PDE4D: variants seen among roughly 807,000 people sequenced by gnomAD.
PDE4D encodes 3',5'-cyclic-AMP phosphodiesterase 4D.
PDE4D carries 24 observed loss-of-function variants against 87.4 expected under a neutral mutation model. The ratio of observed to expected loss-of-function variants is 0.27; its 90% CI spans 0.20 to 0.39. The LOEUF (loss-of-function observed/expected upper bound fraction) is 0.39, where lower values mean the gene tolerates loss of function less well. PDE4D is among the 10% of genes least tolerant of loss of function. The pLI, the probability that PDE4D is intolerant of heterozygous loss-of-function variation, is 1.00. For missense variants in PDE4D, 714 were observed against 1,041.0 expected, an observed-to-expected ratio of 0.69 and a Z score of 4.32; for synonymous variants, 384 against 383.2, an observed-to-expected ratio of 1.00 and a Z score of -0.02.
At chr5:59,971,504 C>A (rs1041939282) in intron 3 of PDE4D, among the ~76,000 whole-genome samples, 1 of 152,060 alleles carries the variant, frequency 6.6e-6, no homozygotes, top group Non-Finnish European at 1.5e-5. Flanking sequence ...TTTATAATGT[C>A]ATGCACTTAA....
chr5:59,813,445 T>TACACACAC (rs35313403), intron 1 of PDE4D, among the ~76,000 whole-genome samples: 62 of 143,160 alleles, frequency 4.3e-4, no homozygotes, highest in Admixed American at 3.8e-3. Context: ...CATACACTTG[T>TACACACAC]ACACACACAC....
At chr5:60,247,376 A>G (rs1429828454) in intron 1 of PDE4D, among the ~76,000 whole-genome samples, 3 of 152,028 alleles carry the variant, frequency 2.0e-5, no homozygotes, top group Non-Finnish European at 4.4e-5. Context: ...ATTATTAGCC[A>G]TGTTTCTAGA....
chr5:60,431,633 C>T (rs934407581), intron 1 of PDE4D, among the ~76,000 whole-genome samples: 49 of 152,040 alleles, frequency 3.2e-4, no homozygotes, highest in South Asian at 3.1e-3. Context: ...AGACGATGGG[C>T]GGCCAGGCAG....
chr5:59,595,040 T>C (rs1389994087), intron 1 of PDE4D, among the ~76,000 whole-genome samples: 1 of 152,168 alleles, frequency 6.6e-6, no homozygotes, highest in Admixed American at 6.6e-5. Context: ...CTAAAAATGC[T>C]TTAAAAAATA....
intron 3 of PDE4D, among the ~76,000 whole-genome samples, chr5:59,907,435 T>C (rs1232318032): frequency 3.3e-5 from 5 of 152,050 alleles, no homozygotes; most frequent in Admixed American, 3.3e-4. Flanking sequence ...ATCTACTTGA[T>C]GGTGGAAGAT....
intron 1 of PDE4D, among the ~76,000 whole-genome samples, chr5:59,820,514 T>A (rs1198057768): frequency 6.6e-6 from 1 of 152,192 alleles, no homozygotes; most frequent in Non-Finnish European, 1.5e-5. Flanking sequence ...ACAATCTGGG[T>A]TTCTAAGTAA....
intron 5 of PDE4D, among the ~76,000 whole-genome samples, chr5:59,098,474 G>A (rs1770143766): frequency 6.6e-6 from 1 of 151,752 alleles, no homozygotes; most frequent in Admixed American, 6.6e-5. Flanking sequence ...AAGGCAAGAG[G>A]ATCACTTGAG....
In PDE4D at chr5:60,022,340, T is replaced by C. The variant is rs559258482; in HGVS notation, c.43-33623A>G. On this transcript the variant is annotated intron_variant, in intron 2 of 16. Transcript: ENST00000502484. ...AATAACAATAAAGTCACCATATTTA[T>C]TGAATCCTTATAACAGAGGAGTATT... is the stretch of plus-strand genomic sequence containing the variant. Among the ~76,000 whole-genome samples the C allele has an allele frequency of 2.6e-5, 4 of 152,330 alleles. No individual in the cohort carries two copies. In the South Asian group the frequency reaches 8.3e-4, roughly 32 times the overall value.
intron 2 of PDE4D, among the ~76,000 whole-genome samples, chr5:60,108,948 G>A (rs1171424109): frequency 1.3e-5 from 2 of 152,288 alleles, no homozygotes; most frequent in East Asian, 3.9e-4. Flanking sequence ...ACATAGGCAT[G>A]GGCAAGGACT....
chr5:59,218,040 T>G (rs766071783), intron 1 of PDE4D: 13 of 473,718 alleles, frequency 2.7e-5, no homozygotes, highest in African/African-American at 2.6e-4. Context: ...TTTAAGAAGG[T>G]TTTTGAAGGT....
chr5:59,611,350 A>G (rs1483900735), intron 1 of PDE4D, among the ~76,000 whole-genome samples: 6 of 152,118 alleles, frequency 3.9e-5, no homozygotes, highest in African/African-American at 1.4e-4. Context: ...CCAAAGCCCC[A>G]CTTCCTAATA....
intron 1 of PDE4D, among the ~76,000 whole-genome samples, chr5:59,762,797 T>C (rs944356525): frequency 4.8e-5 from 7 of 145,414 alleles, no homozygotes; most frequent in Non-Finnish European, 9.0e-5. Context: ...ATATTTTATA[T>C]ATATATTCAC....
intron 5 of PDE4D, among the ~76,000 whole-genome samples, chr5:59,155,471 G>C (rs1293502991): frequency 6.6e-6 from 1 of 152,228 alleles, no homozygotes; most frequent in Non-Finnish European, 1.5e-5. Context: ...AGCTGGAACA[G>C]AGGTGTTGTG....
chr5:60,047,999 T>C (rs78599339), intron 2 of PDE4D, among the ~76,000 whole-genome samples: 43,373 of 151,702 alleles, frequency 0.29, 7,067 homozygotes, highest in East Asian at 0.74. Flanking sequence ...TGTGGGAGTC[T>C]AAGTCTCTTT....
intron 2 of PDE4D, among the ~76,000 whole-genome samples, chr5:60,097,265 T>TTGTGTGTGTGTGTGTGTGTGTG (rs57591657): frequency 2.0e-3 from 297 of 146,556 alleles, no homozygotes; most frequent in East Asian, 3.9e-3. Context: ...TGCTATGAAG[T>TTGTGTGTGTGTGTGTGTGTGTG]TGTGTGTGTG....
intron 5 of PDE4D, among the ~76,000 whole-genome samples, chr5:59,142,156 GCAATA>G (rs1367918795): frequency 1.3e-5 from 2 of 152,144 alleles, no homozygotes; most frequent in African/African-American, 4.8e-5. Flanking sequence ...AAATTAGCAG[GCAATA>G]GAGCCCCTAA....
chr5:59,071,544 GTT>G (rs11401918), intron 5 of PDE4D, among the ~76,000 whole-genome samples: 2 of 140,652 alleles, frequency 1.4e-5, no homozygotes, highest in South Asian at 2.2e-4. Context: ...TCTCTGAGTT[GTT>G]TTTTTTTTTT....
At chr5:59,273,587 T>C (rs1169439126) in intron 1 of PDE4D, among the ~76,000 whole-genome samples, 1 of 152,102 alleles carries the variant, frequency 6.6e-6, no homozygotes, top group African/African-American at 2.4e-5. Context: ...GTAAGATTAA[T>C]AACTGGAGAG....
At chr5:59,356,894 T>C in intron 1 of PDE4D, 1 of 1,500,486 alleles carries the variant, frequency 6.7e-7, no homozygotes, top group Non-Finnish European at 8.8e-7. Context: ...AAGTCAGAGC[T>C]GGTGCGGGGC....
Sources: allele counts gnomAD v4.1 joint callset (sites outside exome capture counted in the v4.1 genomes callset), GRCh38; gene constraint gnomAD v4.1.1; transcripts MANE v1.5; gene names NCBI Gene and HGNC (gene_info 2026-07-23, HGNC 2026-07-21).